Variants in CADPS2 observed in about 807,000 individuals in gnomAD.
CADPS2 encodes the protein calcium-dependent secretion activator 2.
CADPS2 carries 93 observed loss-of-function variants against 172.5 expected under a neutral mutation model. That is an observed-to-expected ratio of 0.54 (90% confidence interval 0.46 to 0.64). CADPS2 has a LOEUF of 0.64. Ranked by LOEUF, CADPS2 falls within the 30% of genes least tolerant of loss-of-function variation. The probability of loss-of-function intolerance (pLI) is 0.00; values close to 1 mark genes in which losing one functional copy is unlikely to be tolerated. For synonymous variants in CADPS2, 546 were observed against 555.2 expected, an observed-to-expected ratio of 0.98 and a Z score of 0.23; for missense variants, 1,420 against 1,565.9, an observed-to-expected ratio of 0.91 and a Z score of 1.57.
intron 3 of CADPS2, among the ~76,000 whole-genome samples, chr7:122,657,445 G>T (rs898648669): frequency 6.6e-6 from 1 of 152,168 alleles, no homozygotes; most frequent in Non-Finnish European, 1.5e-5. Flanking sequence ...CATGAGCATG[G>T]AATGTTCTTC....
rs916634745 is a variant in CADPS2 at position 122,615,828 on chromosome 7, T to G, written c.1105-529A>C. The stretch of plus-strand genomic sequence containing the variant: ...ATTGTCTGTAAAAGAGTTTAATTTA[T>G]GGACTGTGTCTTATTAAATAGAAAA... On this transcript the variant is annotated intron_variant, in intron 5 of 29. Transcript: ENST00000449022. 2.0e-5 allele frequency among the ~76,000 whole-genome samples: 3 copies of G among 152,120 alleles called. No individual in the cohort carries two copies. The South Asian group carries it at 6.2e-4, about 31-fold the overall frequency.
In CADPS2 at chr7:122,527,617, A is replaced by AGAGAGAGAGAGAGAGAGTGTGT; in HGVS notation, c.1476-14303_1476-14302insACACACTCTCTCTCTCTCTCTC. ...GAGAGAGAGAGAGAGAGAGAGAGAG[A>AGAGAGAGAGAGAGAGAGTGTGT]GTGTGTGTGTGTGTGTGTGTGTGTG... is the stretch of plus-strand genomic sequence containing the variant. On this transcript the variant is annotated intron_variant, in intron 8 of 29. Coordinates refer to ENST00000449022, the MANE Select transcript of CADPS2 (RefSeq NM_017954.11). Among the ~76,000 whole-genome samples, 123 of 83,866 alleles carry AGAGAGAGAGAGAGAGAGTGTGT rather than the reference A, an allele frequency of 1.5e-3. 1 individual carries two copies. Among genetic ancestry groups the AGAGAGAGAGAGAGAGAGTGTGT allele is most frequent in the Non-Finnish European group, 2.6e-3 (100 of 38,322 alleles). 55.0% of individuals were successfully genotyped at this position (83,866 alleles called of 152,430 possible).
intron 8 of CADPS2, among the ~76,000 whole-genome samples, chr7:122,541,108 G>A (rs1046574821): frequency 3.3e-5 from 5 of 151,602 alleles, no homozygotes; most frequent in African/African-American, 1.2e-4. Flanking sequence ...GCACCAAATA[G>A]GTGATACTGT....
At chr7:122,480,893 A>G (rs967118238) in intron 11 of CADPS2, 33 bp from the exon 12 acceptor site, 9 of 1,503,818 alleles carry the variant, frequency 6.0e-6, no homozygotes, top group Non-Finnish European at 8.0e-6. Context: ...GAAACAAAGC[A>G]TATTTAAATG....
At chr7:122,868,274 G>T (rs919565753) in intron 1 of CADPS2, among the ~76,000 whole-genome samples, 1 of 151,942 alleles carries the variant, frequency 6.6e-6, no homozygotes, top group African/African-American at 2.4e-5. Flanking sequence ...CAAACCTTCA[G>T]CAACTATCTC....
chr7:122,854,842 G>A (rs1019692744), intron 1 of CADPS2, among the ~76,000 whole-genome samples: 2 of 152,096 alleles, frequency 1.3e-5, no homozygotes, highest in South Asian at 4.1e-4. Flanking sequence ...CAGCACTATA[G>A]GTATTAGATA....
chr7:122,678,667 A>C (rs1020085769), intron 2 of CADPS2, among the ~76,000 whole-genome samples: 5 of 152,254 alleles, frequency 3.3e-5, no homozygotes, highest in African/African-American at 9.6e-5. Context: ...AAAAATGCAA[A>C]AATGTGAAAG....
At chr7:122,724,061 G>C (rs753613236) in intron 2 of CADPS2, among the ~76,000 whole-genome samples, 11 of 151,188 alleles carry the variant, frequency 7.3e-5, no homozygotes, top group Non-Finnish European at 1.6e-4. Flanking sequence ...ATAGCATTAG[G>C]AGATATACCT....
chr7:122,839,937 C>A (rs558370468), intron 1 of CADPS2, among the ~76,000 whole-genome samples: 1 of 152,138 alleles, frequency 6.6e-6, no homozygotes, highest in Non-Finnish European at 1.5e-5. Context: ...TGGGTGTATA[C>A]CCAAAGGATT....
At position 122,487,981 on chromosome 7, in the gene CADPS2, C is replaced by T. The variant is rs190395426; in HGVS notation, c.1852+2100G>A. On this transcript the variant is annotated intron_variant, in intron 11 of 29. Coordinates refer to ENST00000449022, the MANE Select transcript of CADPS2 (RefSeq NM_017954.11). Reference sequence around the variant, plus strand: ...AATACAAAACCATTTATGAGATTGACGCTAAATGCACACATACAAAATGCA... The same window carrying T: ...AATACAAAACCATTTATGAGATTGATGCTAAATGCACACATACAAAATGCA... Among the ~76,000 whole-genome samples, 598 of 152,164 alleles carry T rather than the reference C, an allele frequency of 3.9e-3. 5 individuals are homozygous for T. The highest frequency in any genetic ancestry group is 6.2e-3 in the Non-Finnish European group (422 of 67,994).
chr7:122,625,954 G>A (rs969835586), intron 4 of CADPS2, among the ~76,000 whole-genome samples: 7 of 152,136 alleles, frequency 4.6e-5, no homozygotes, highest in Admixed American at 4.6e-4. Context: ...ACTACAGCAG[G>A]GAGAAAGCCA....
chr7:122,407,903 T>C (rs1377101100), intron 19 of CADPS2: 4 of 523,058 alleles, frequency 7.6e-6, no homozygotes, highest in Non-Finnish European at 1.0e-5. Context: ...AAATAGAAAA[T>C]AGAATTAAAA....
intron 14 of CADPS2, among the ~76,000 whole-genome samples, chr7:122,470,794 C>T (rs755485705): frequency 6.6e-6 from 1 of 152,066 alleles, no homozygotes; most frequent in African/African-American, 2.4e-5. Context: ...CCACACGCGG[C>T]ATGATATGGA....
intron 2 of CADPS2, among the ~76,000 whole-genome samples, chr7:122,681,122 A>C: frequency 8.4e-6 from 1 of 118,748 alleles, no homozygotes; most frequent in Non-Finnish European, 1.6e-5. Context: ...CACTCTGGGG[A>C]CTGTTGTAGG....
intron 1 of CADPS2, among the ~76,000 whole-genome samples, chr7:122,829,934 A>G (rs1806017463): frequency 6.6e-6 from 1 of 152,204 alleles, no homozygotes; most frequent in Admixed American, 6.5e-5. Flanking sequence ...TCCAGTAAGA[A>G]GAGCAAGAGA....
chr7:122,512,641 T>G (rs1452889708), intron 9 of CADPS2, among the ~76,000 whole-genome samples: 1 of 152,140 alleles, frequency 6.6e-6, no homozygotes, highest in African/African-American at 2.4e-5. Flanking sequence ...TCTTGGCTTA[T>G]TTGTACTAAA....
intron 5 of CADPS2, among the ~76,000 whole-genome samples, chr7:122,617,953 G>A (rs1417343186): frequency 6.6e-6 from 1 of 151,622 alleles, no homozygotes; most frequent in Non-Finnish European, 1.5e-5. Context: ...TGAGGCAGGA[G>A]AATGGTGTTA....
At chr7:122,376,645 C>T (rs961342090) in intron 25 of CADPS2, among the ~76,000 whole-genome samples, 3 of 152,084 alleles carry the variant, frequency 2.0e-5, no homozygotes, top group Non-Finnish European at 4.4e-5. Context: ...TGGAGAGCTA[C>T]TGTACAGCAT....
intron 2 of CADPS2, chr7:122,698,001 A>T (rs1398675786): frequency 6.2e-7 from 1 of 1,613,434 alleles, no homozygotes; most frequent in Non-Finnish European, 8.5e-7. Flanking sequence ...CAACCACTTG[A>T]ATCCCCAAAA....
Sources: gnomAD v4.1 joint callset for allele counts (sites outside exome capture counted in the v4.1 genomes callset) on GRCh38, gnomAD v4.1.1 for gene constraint, MANE v1.5 for transcripts, NCBI Gene and HGNC (gene_info 2026-07-23, HGNC 2026-07-21) for gene names.